The following STOX1 variants were observed in gnomAD, a reference collection of about 807,000 sequenced individuals.
STOX1 encodes the protein storkhead-box protein 1.
In STOX1, 57 loss-of-function variants were observed where a neutral mutation model predicts 74.8. That is an observed-to-expected ratio of 0.76 (90% CI 0.62 to 0.95). The LOEUF is 0.95. Ranked by LOEUF, STOX1 falls within the 40% of genes least tolerant of loss-of-function variation. The pLI, the probability that STOX1 is intolerant of heterozygous loss-of-function variation, is 0.00. For missense variants in STOX1, 1,010 were observed against 1,117.0 expected (o/e 0.90, Z 1.37); for synonymous variants, 375 against 401.3 (o/e 0.93, Z 0.78).
intron 3 of STOX1, among the ~76,000 whole-genome samples, chr10:68,890,643 CCTTTT>C (rs1589240324): frequency 6.8e-6 from 1 of 147,034 alleles, no homozygotes; most frequent in East Asian, 2.0e-4. Context: ...GGGTGCAAGA[CCTTTT>C]CTTTTTTTTT....
intron 1 of STOX1, among the ~76,000 whole-genome samples, chr10:68,875,648 C>G (rs1318289627): frequency 6.6e-6 from 1 of 152,096 alleles, no homozygotes; most frequent in African/African-American, 2.4e-5. Context: ...ATAAAGAAAC[C>G]ACTTCTTTTT....
At chr10:68,888,704 A>C (rs1166269773) in intron 3 of STOX1, among the ~76,000 whole-genome samples, 1 of 144,756 alleles carries the variant, frequency 6.9e-6, no homozygotes, top group Non-Finnish European at 1.5e-5. Context: ...GTACAATCAC[A>C]GCTCACTGCA....
intron 1 of STOX1, among the ~76,000 whole-genome samples, chr10:68,840,391 T>TAATA (rs1839662934): frequency 2.0e-5 from 3 of 152,214 alleles, no homozygotes; most frequent in Non-Finnish European, 4.4e-5. Context: ...TCTATTTATT[T>TAATA]ATTTCAAGAC....
rs146575735 is a variant in STOX1 at position 68,843,321 on chromosome 10, T to C, written c.310+15388T>C. On this transcript the variant is annotated intron_variant, in intron 1 of 3. Coordinates refer to ENST00000298596, the MANE Select transcript of STOX1 (RefSeq NM_152709.5). ...TGCTGGGATTATAGCCGTGAGCCAC[T>C]GTACCTAGGTGAGATTTTGGTGATT... Among the ~76,000 whole-genome samples, 45 of 152,338 alleles carry C rather than the reference T, an allele frequency of 3.0e-4. No homozygotes were observed. In the East Asian group the frequency reaches 6.8e-3, roughly 23 times the overall value.
intron 1 of STOX1, among the ~76,000 whole-genome samples, chr10:68,862,243 T>C (rs1241632312): frequency 1.3e-5 from 2 of 151,834 alleles, no homozygotes; most frequent in Admixed American, 6.6e-5. Flanking sequence ...CTGAAGAATT[T>C]CAGTAATAAT....
intron 1 of STOX1, among the ~76,000 whole-genome samples, chr10:68,833,742 G>A (rs1206605120): frequency 1.3e-5 from 2 of 152,162 alleles, no homozygotes; most frequent in East Asian, 1.9e-4. Flanking sequence ...ATTCCTAGGC[G>A]CCGGGCTACC....
intron 1 of STOX1, chr10:68,828,379 G>T: frequency 1.2e-5 from 10 of 852,408 alleles, no homozygotes; most frequent in Non-Finnish European, 1.5e-5. Flanking sequence ...GCTAGGCGCT[G>T]CTCTGAGGGC....
In STOX1 at chr10:68,839,904, C is replaced by CCA. The variant is rs951293017; in HGVS notation, c.310+11982_310+11983dup. On this transcript the variant is annotated intron_variant, in intron 1 of 3. Transcript: ENST00000298596. Reference sequence around the variant, plus strand: ...AAAACAAAACAAAACAAAACAAAAACCACACACACACAAACAAAACAAAAA... The same window carrying CCA: ...AAAACAAAACAAAACAAAACAAAAACCACACACACACACAAACAAAACAAAAA... Among the ~76,000 whole-genome samples, 179 of 151,820 alleles carry CCA rather than the reference C, an allele frequency of 1.2e-3. 1 individual carries two copies. Among genetic ancestry groups the CCA allele is most frequent in the African/African-American group, 4.2e-3 (176 of 41,422 alleles).
chr10:68,877,271 T>C (rs1163845624), intron 1 of STOX1, among the ~76,000 whole-genome samples: 2 of 152,194 alleles, frequency 1.3e-5, no homozygotes, highest in East Asian at 1.9e-4. Flanking sequence ...AAAATACCCA[T>C]CCCCATGTCA....
chr10:68,891,653 T>G (rs1224708312), intron 3 of STOX1, among the ~76,000 whole-genome samples: 1 of 151,580 alleles, frequency 6.6e-6, no homozygotes, highest in Admixed American at 6.6e-5. Context: ...AATACAAAAA[T>G]TAGCCAGGCG....
chr10:68,863,280 A>G (rs1840310578), intron 1 of STOX1, among the ~76,000 whole-genome samples: 1 of 152,126 alleles, frequency 6.6e-6, no homozygotes, highest in Non-Finnish European at 1.5e-5. Context: ...TTGCTGAAGG[A>G]ATACTCACGG....
Position 68,892,792 on chromosome 10 carries a change from A to G in STOX1, c.*56A>G. The G allele has an allele frequency of 1.9e-6, 3 of 1,554,032 alleles. No homozygotes were observed. The highest frequency in any genetic ancestry group is 2.7e-6 in the Non-Finnish European group (3 of 1,129,350). On this transcript the variant is annotated 3_prime_UTR_variant, in exon 4 of 4. Coordinates refer to ENST00000298596, the MANE Select transcript of STOX1 (RefSeq NM_152709.5). ...TAAAAAGGTAGAGCATTATTACAGA[A>G]TCTTTCAATCATGTAAGAATTGAGT...
intron 1 of STOX1, among the ~76,000 whole-genome samples, chr10:68,836,474 T>C (rs1022541619): frequency 3.3e-5 from 5 of 152,214 alleles, no homozygotes; most frequent in Admixed American, 6.5e-5. Context: ...GCCTGACATA[T>C]ACTTATGTTC....
rs1225772613 is a variant in STOX1, at chr10:68,827,738, G to A, written c.115G>A (p.Ala39Thr). The A allele has an allele frequency of 1.2e-6, 1 of 834,338 alleles. No homozygotes were observed. The highest frequency in any genetic ancestry group is 1.5e-6 in the Non-Finnish European group (1 of 681,508). 51.7% of individuals were successfully genotyped at this position (834,338 alleles called of 1,614,324 possible). ...GCCTGGTGGGCGCGCGGTGTTCCGC[G>A]CTTTCCGTCGCGCCAACGCGCGCTG... ...EEPGGRAVFR[A>T]FRRANARCFW... The change falls in exon 1 of 4, where the codon GCT (alanine) becomes ACT (threonine). Residue 39 changes from alanine (A) to threonine (T), a missense_variant. By Grantham distance (58) the Ala-to-Thr change is moderately conservative (BLOSUM62 0). Coordinates refer to ENST00000298596, the MANE Select transcript of STOX1 (RefSeq NM_152709.5).
chr10:68,847,854 C>G (rs1270682931), intron 1 of STOX1, among the ~76,000 whole-genome samples: 3 of 152,146 alleles, frequency 2.0e-5, no homozygotes, highest in Non-Finnish European at 4.4e-5. Context: ...GCCTCAGCCT[C>G]CCAAGTAGCT....
At chr10:68,843,796 A>G (rs1381156906) in intron 1 of STOX1, among the ~76,000 whole-genome samples, 1 of 151,700 alleles carries the variant, frequency 6.6e-6, no homozygotes, top group African/African-American at 2.4e-5. Flanking sequence ...TTGACCTCAG[A>G]TGATCCAACC....
chr10:68,837,119 G>A (rs1839576390), intron 1 of STOX1, among the ~76,000 whole-genome samples: 1 of 152,200 alleles, frequency 6.6e-6, no homozygotes, highest in Non-Finnish European at 1.5e-5. Flanking sequence ...TCCTCAAGGA[G>A]CTCATAGTCT....
intron 1 of STOX1, among the ~76,000 whole-genome samples, chr10:68,847,762 T>C (rs1839889709): frequency 6.9e-6 from 1 of 144,478 alleles, no homozygotes; most frequent in South Asian, 2.2e-4. Flanking sequence ...GGAGTTTCGC[T>C]CTTGTTGCCC....
chr10:68,870,718 TTGAAGA>T lies in STOX1; in HGVS notation c.311-11234_311-11229del, dbSNP rs374854083. Among the ~76,000 whole-genome samples, 658 of 152,284 alleles carry T rather than the reference TTGAAGA, an allele frequency of 4.3e-3. 2 individuals carry two copies. Among genetic ancestry groups the T allele is most frequent in the African/African-American group, 0.015 (617 of 41,546 alleles). ...AGTGTGGGCAGATTTAATTCTGTGT[TTGAAGA>T]TGAAGGGGACAACATGACAGGAAAT... On this transcript the variant is annotated intron_variant, in intron 1 of 3. Coordinates refer to ENST00000298596, the MANE Select transcript of STOX1 (RefSeq NM_152709.5).
Sources: allele counts gnomAD v4.1 joint callset (sites outside exome capture counted in the v4.1 genomes callset), GRCh38; gene constraint gnomAD v4.1.1; transcripts MANE v1.5; gene names NCBI Gene and HGNC (gene_info 2026-07-23, HGNC 2026-07-21).